Variants in ADAMTS19 observed in about 807,000 individuals in gnomAD.
ADAMTS19 encodes the protein ADAM metallopeptidase with thrombospondin type 1 motif 19.
A neutral mutation model predicts 153.3 loss-of-function variants in ADAMTS19; 93 were observed. The ratio of observed to expected loss-of-function variants is 0.61; its 90% CI spans 0.51 to 0.72. The LOEUF (loss-of-function observed/expected upper bound fraction) is 0.72. ADAMTS19 is among the 30% of genes least tolerant of loss of function. ADAMTS19 has a pLI of 0.00. For missense variants in ADAMTS19, 1,482 were observed against 1,552.1 expected, an observed-to-expected ratio of 0.95 and a Z score of 0.76; for synonymous variants, 600 against 556.6, an observed-to-expected ratio of 1.08 and a Z score of -1.10.
At chr5:129,559,297 CAGTA>C (rs1343425841) in intron 7 of ADAMTS19, among the ~76,000 whole-genome samples, 3 of 151,738 alleles carry the variant, frequency 2.0e-5, no homozygotes, top group African/African-American at 4.8e-5. Flanking sequence ...TTTTCTAAAT[CAGTA>C]AGTAAGAAAC....
intron 20 of ADAMTS19, among the ~76,000 whole-genome samples, chr5:129,702,936 AAAAAAATATATAT>A (rs1391012725): frequency 5.3e-4 from 15 of 28,130 alleles, no homozygotes; most frequent in Admixed American, 9.1e-4. Context: ...TGCCAAAAAA[AAAAAAATATATAT>A]ATATATATAT....
intron 7 of ADAMTS19, among the ~76,000 whole-genome samples, chr5:129,593,660 T>C (rs1170309177): frequency 6.6e-6 from 1 of 152,148 alleles, no homozygotes; most frequent in Non-Finnish European, 1.5e-5. Context: ...ACTGACAGCT[T>C]TTATACCTTT....
At chr5:129,590,618 T>C (rs1163433502) in intron 7 of ADAMTS19, among the ~76,000 whole-genome samples, 1 of 152,156 alleles carries the variant, frequency 6.6e-6, no homozygotes, top group Non-Finnish European at 1.5e-5. Context: ...AAAATAGAAA[T>C]TAACTGCGCT....
chr5:129,645,733 A>C (rs1287796085), intron 11 of ADAMTS19, among the ~76,000 whole-genome samples: 1 of 152,046 alleles, frequency 6.6e-6, no homozygotes, highest in East Asian at 1.9e-4. Flanking sequence ...GGAAACATAA[A>C]CACCCTTAAA....
chr5:129,573,920 A>AC (rs992895379), intron 7 of ADAMTS19, among the ~76,000 whole-genome samples: 4 of 151,898 alleles, frequency 2.6e-5, no homozygotes, highest in Admixed American at 1.3e-4. Flanking sequence ...GAATTTAGAA[A>AC]CCCCCCAAAG....
rs1251865795 is a variant in ADAMTS19 at position 129,551,870 on chromosome 5, T to C, written c.1335T>C (p.Asp445=). 6.3e-7 allele frequency: 1 copy of C among 1,577,232 alleles called. No individual in the cohort carries two copies. The highest frequency in any genetic ancestry group is 1.8e-5 in the Admixed American group (1 of 54,408). Residue 445 remains aspartate (D), a synonymous_variant, in exon 7 of 23, where the codon GAT becomes GAC. Transcript: ENST00000274487. ...VDAAILITRK[D]FCVHKDEPCD... ...TTTCTATTTTTCTTTCTAGGAAAGATTTCTGTGTGCACAAAGATGAACCAT... is the reference window on the plus strand; with the variant it reads ...TTTCTATTTTTCTTTCTAGGAAAGACTTCTGTGTGCACAAAGATGAACCAT...
chr5:129,521,425 C>T (rs116281261), intron 3 of ADAMTS19, among the ~76,000 whole-genome samples: 2,056 of 152,170 alleles, frequency 0.014, 20 homozygotes, highest in Non-Finnish European at 0.019. Flanking sequence ...TTAGATATTG[C>T]AATAAGCAAG....
intron 6 of ADAMTS19, among the ~76,000 whole-genome samples, chr5:129,544,419 T>C (rs1752778124): frequency 1.3e-5 from 2 of 152,194 alleles, no homozygotes; most frequent in Non-Finnish European, 2.9e-5. Context: ...TTAGACCTAA[T>C]GCTAACAATA....
At chr5:129,630,136 T>G (rs1325332717) in intron 10 of ADAMTS19, among the ~76,000 whole-genome samples, 1 of 152,130 alleles carries the variant, frequency 6.6e-6, no homozygotes, top group Non-Finnish European at 1.5e-5. Context: ...CATCCAAGTT[T>G]GTAGGACTCT....
chr5:129,659,445 G>C (rs1341231712), intron 15 of ADAMTS19, among the ~76,000 whole-genome samples: 1 of 152,102 alleles, frequency 6.6e-6, no homozygotes, highest in Admixed American at 6.5e-5. Flanking sequence ...TTATACTCAG[G>C]ATCTTAAGCT....
chr5:129,592,320 A>G (rs916907395), intron 7 of ADAMTS19, among the ~76,000 whole-genome samples: 1 of 145,106 alleles, frequency 6.9e-6, no homozygotes, highest in Non-Finnish European at 1.5e-5. Context: ...CGGAGGTTGC[A>G]GTGAGCCGAG....
intron 8 of ADAMTS19, among the ~76,000 whole-genome samples, chr5:129,601,400 T>A (rs1472586755): frequency 6.6e-6 from 1 of 152,214 alleles, no homozygotes; most frequent in East Asian, 1.9e-4. Flanking sequence ...TTTTATATGA[T>A]CTTTATGAAC....
chr5:129,535,934 T>G (rs1186964410), intron 6 of ADAMTS19, among the ~76,000 whole-genome samples: 2 of 152,114 alleles, frequency 1.3e-5, no homozygotes, highest in Non-Finnish European at 2.9e-5. Context: ...AAGACTTACA[T>G]GTTAGACCTA....
At chr5:129,717,772 G>A (rs1254779983) in intron 21 of ADAMTS19, among the ~76,000 whole-genome samples, 13 of 152,162 alleles carry the variant, frequency 8.5e-5, no homozygotes, top group Admixed American at 8.5e-4. Flanking sequence ...GTTGGAATAA[G>A]TTAAATATAG....
intron 8 of ADAMTS19, among the ~76,000 whole-genome samples, chr5:129,606,872 T>C (rs190244006): frequency 1.4e-4 from 21 of 152,076 alleles, no homozygotes; most frequent in African/African-American, 4.8e-4. Context: ...TGAAAGTAAA[T>C]TTGAAAGCCT....
chr5:129,473,908 C>T (rs1750143146), intron 2 of ADAMTS19, among the ~76,000 whole-genome samples: 1 of 151,986 alleles, frequency 6.6e-6, no homozygotes, highest in Admixed American at 6.6e-5. Context: ...TTTCCAACAT[C>T]TTTTTTGAGG....
chr5:129,605,409 CT>C (rs776048931), intron 8 of ADAMTS19, among the ~76,000 whole-genome samples: 4 of 152,176 alleles, frequency 2.6e-5, no homozygotes, highest in Non-Finnish European at 5.9e-5. Context: ...ACTTTGGGGA[CT>C]TGGCCTTTCC....
chr5:129,504,701 G>A, intron 2 of ADAMTS19, among the ~76,000 whole-genome samples: 1 of 151,936 alleles, frequency 6.6e-6, no homozygotes, highest in East Asian at 1.9e-4. Context: ...TCTACTCTCT[G>A]CTTCTATCAG....
At chr5:129,570,308 G>C (rs1753851489) in intron 7 of ADAMTS19, among the ~76,000 whole-genome samples, 3 of 150,968 alleles carry the variant, frequency 2.0e-5, no homozygotes, top group African/African-American at 7.3e-5. Flanking sequence ...AGCTCTGTGA[G>C]CATCAGTTTG....
Sources: gnomAD v4.1 joint callset for allele counts (sites outside exome capture counted in the v4.1 genomes callset) on GRCh38, gnomAD v4.1.1 for gene constraint, MANE v1.5 for transcripts, NCBI Gene and HGNC (gene_info 2026-07-23, HGNC 2026-07-21) for gene names.